CNTNAP5: variants seen among roughly 807,000 people sequenced by gnomAD.
CNTNAP5 encodes the protein contactin associated protein family member 5.
A neutral mutation model predicts 150.2 loss-of-function variants in CNTNAP5; 72 were observed. The ratio of observed to expected loss-of-function variants is 0.48; its 90% CI spans 0.40 to 0.58. CNTNAP5 has a LOEUF of 0.58. CNTNAP5 is among the 20% of genes least tolerant of loss of function. CNTNAP5 has a pLI of 0.00. For missense variants in CNTNAP5, 1,636 were observed against 1,626.2 expected (o/e 1.01, Z -0.10); for synonymous variants, 672 against 619.8 (o/e 1.08, Z -1.25).
chr2:124,242,578 G>T, intron 3 of CNTNAP5, 185 bp downstream of exon 3: 1 of 519,974 alleles, frequency 1.9e-6, no homozygotes, highest in Non-Finnish European at 3.3e-6. Context: ...GGAAAATTAG[G>T]ATGTCTGTCG....
At chr2:124,369,937 A>G (rs910555407) in intron 3 of CNTNAP5, among the ~76,000 whole-genome samples, 15 of 152,278 alleles carry the variant, frequency 9.9e-5, no homozygotes, top group East Asian at 5.8e-4. Flanking sequence ...TTCACTCAGC[A>G]TGCTTCCTCT....
At chr2:124,227,215 C>G (rs536671798) in intron 2 of CNTNAP5, among the ~76,000 whole-genome samples, 1 of 152,154 alleles carries the variant, frequency 6.6e-6, no homozygotes, top group African/African-American at 2.4e-5. Context: ...TTATAATATT[C>G]TGCCTCAACA....
chr2:124,198,360 A>G (rs1285391534), intron 1 of CNTNAP5, among the ~76,000 whole-genome samples: 3 of 151,992 alleles, frequency 2.0e-5, no homozygotes, highest in African/African-American at 7.2e-5. Flanking sequence ...CTCCCTTCTT[A>G]TGTATATACA....
chr2:124,585,560 A>G (rs1397331384), intron 11 of CNTNAP5, among the ~76,000 whole-genome samples: 1 of 152,130 alleles, frequency 6.6e-6, no homozygotes, highest in Non-Finnish European at 1.5e-5. Context: ...AGGGAGGGGA[A>G]GAAAAAACAA....
At chr2:124,419,570 C>T (rs561709052) in intron 4 of CNTNAP5, among the ~76,000 whole-genome samples, 1 of 152,318 alleles carries the variant, frequency 6.6e-6, no homozygotes, top group South Asian at 2.1e-4. Flanking sequence ...TTTGTGATAA[C>T]AGAGTCTACC....
At chr2:124,755,192 T>C (rs1680813368) in intron 14 of CNTNAP5, among the ~76,000 whole-genome samples, 1 of 151,964 alleles carries the variant, frequency 6.6e-6, no homozygotes, top group East Asian at 1.9e-4. Flanking sequence ...AGCTATGAAA[T>C]ACTTTTTTTT....
chr2:124,592,651 G>A (rs1022824829), intron 11 of CNTNAP5, among the ~76,000 whole-genome samples: 12 of 152,094 alleles, frequency 7.9e-5, no homozygotes, highest in African/African-American at 1.9e-4. Flanking sequence ...TAGGGAAAAG[G>A]CCTTTCCCCT....
chr2:124,466,797 A>G (rs1470828797), intron 6 of CNTNAP5, among the ~76,000 whole-genome samples: 1 of 152,178 alleles, frequency 6.6e-6, no homozygotes, highest in African/African-American at 2.4e-5. Flanking sequence ...GCCCTGGGCC[A>G]TTTCATACAG....
At chr2:124,438,842 C>G (rs1692605795) in intron 5 of CNTNAP5, among the ~76,000 whole-genome samples, 1 of 152,078 alleles carries the variant, frequency 6.6e-6, no homozygotes, top group Admixed American at 6.6e-5. Context: ...ATTTAAAATA[C>G]ATATTTTATT....
chr2:124,208,376 T>C lies in CNTNAP5; in HGVS notation c.83-13329T>C, dbSNP rs529128702. Among the ~76,000 whole-genome samples, 9 of 152,340 alleles carry C rather than the reference T, an allele frequency of 5.9e-5. No homozygotes were observed. In the South Asian group the frequency reaches 1.9e-3, roughly 32 times the overall value. Reference sequence around the variant, plus strand: ...ATTATGAAAGGTGGTATTTCCAAAATTCATATAAGGAACTCTCAATAATTT... The same window carrying C: ...ATTATGAAAGGTGGTATTTCCAAAACTCATATAAGGAACTCTCAATAATTT... On this transcript the variant is annotated intron_variant, in intron 1 of 23. Coordinates refer to ENST00000682447, the MANE Select transcript of CNTNAP5 (RefSeq NM_001367498.1).
intron 1 of CNTNAP5, among the ~76,000 whole-genome samples, chr2:124,137,929 C>A (rs988679997): frequency 2.6e-5 from 4 of 152,074 alleles, no homozygotes; most frequent in Admixed American, 2.0e-4. Context: ...CCTGCACATG[C>A]CTTCATTACC....
At chr2:124,514,976 A>G (rs954853701) in intron 8 of CNTNAP5, among the ~76,000 whole-genome samples, 4 of 152,206 alleles carry the variant, frequency 2.6e-5, no homozygotes, top group African/African-American at 7.2e-5. Flanking sequence ...TCAGCATTCA[A>G]GTCTACCAAG....
chr2:124,517,005 C>T (rs1187897759), intron 8 of CNTNAP5, among the ~76,000 whole-genome samples: 1 of 152,168 alleles, frequency 6.6e-6, no homozygotes, highest in Admixed American at 6.5e-5. Flanking sequence ...TTAGCCCACC[C>T]ATCCTCCACA....
intron 17 of CNTNAP5, among the ~76,000 whole-genome samples, chr2:124,782,781 A>G (rs771645575): frequency 6.6e-6 from 1 of 152,220 alleles, no homozygotes; most frequent in Non-Finnish European, 1.5e-5. Flanking sequence ...AGTCAAACAT[A>G]TGCATACCCT....
intron 3 of CNTNAP5, among the ~76,000 whole-genome samples, chr2:124,317,833 A>ATGTGTG (rs146716724): frequency 6.6e-6 from 1 of 151,436 alleles, no homozygotes; most frequent in East Asian, 1.9e-4. Context: ...GTAATGGAAC[A>ATGTGTG]TGTGTGTGTG....
chr2:124,266,906 T>A (rs529744738), intron 3 of CNTNAP5, among the ~76,000 whole-genome samples: 1 of 152,074 alleles, frequency 6.6e-6, no homozygotes, highest in East Asian at 1.9e-4. Flanking sequence ...AGAATAGAAA[T>A]TACGTACGCT....
At chr2:124,655,943 GAGAGAA>G (rs1390025867) in intron 13 of CNTNAP5, among the ~76,000 whole-genome samples, 101 of 100,962 alleles carry the variant, frequency 1.0e-3, no homozygotes, top group Middle Eastern at 4.4e-3. Context: ...GAGAGAGAGA[GAGAGAA>G]AGAAAGAAAG....
chr2:124,870,197 T>C (rs1461591665), intron 21 of CNTNAP5, among the ~76,000 whole-genome samples: 1 of 151,818 alleles, frequency 6.6e-6, no homozygotes, highest in Non-Finnish European at 1.5e-5. Context: ...TTTCACTTTA[T>C]ATATGATGAC....
intron 18 of CNTNAP5, among the ~76,000 whole-genome samples, chr2:124,794,173 A>G (rs1224568928): frequency 6.6e-6 from 1 of 152,180 alleles, no homozygotes; most frequent in Non-Finnish European, 1.5e-5. Flanking sequence ...TGTTTAATCC[A>G]TCCTATTACC....
Sources: gnomAD v4.1 joint callset for allele counts (sites outside exome capture counted in the v4.1 genomes callset) on GRCh38, gnomAD v4.1.1 for gene constraint, MANE v1.5 for transcripts, NCBI Gene and HGNC (gene_info 2026-07-23, HGNC 2026-07-21) for gene names.